Variants in KDM3A observed in about 807,000 individuals in gnomAD.
KDM3A encodes the protein lysine demethylase 3A.
KDM3A carries 60 observed loss-of-function variants against 158.0 expected under a neutral mutation model. That is an observed-to-expected ratio of 0.38 (90% CI 0.31 to 0.47). The LOEUF (loss-of-function observed/expected upper bound fraction) is 0.47. KDM3A is among the 20% of genes least tolerant of loss of function. KDM3A has a pLI of 0.99. For missense variants in KDM3A, 1,319 were observed against 1,574.3 expected (o/e 0.84, Z 2.74); for synonymous variants, 608 against 549.3 (o/e 1.11, Z -1.49).
In KDM3A at chr2:86,466,227, A is replaced by G. The variant is rs976708672; in HGVS notation, c.1008-145A>G. The stretch of plus-strand genomic sequence containing the variant: ...TGACTTTTAACTCTAGCTCACAGAA[A>G]TCTATCCTAAATTCTGTAACATATG... On this transcript the variant is annotated intron_variant, in intron 9 of 25. Transcript: ENST00000312912. The G allele has an allele frequency of 1.5e-5, 12 of 820,412 alleles. No individual in the cohort carries two copies. The Admixed American group carries it at 2.0e-4, about 13-fold the overall frequency. 50.8% of individuals were successfully genotyped at this position (820,412 alleles called of 1,614,324 possible).
At position 86,478,597 on chromosome 2, in the gene KDM3A, C is replaced by T. The variant is rs1372552923; in HGVS notation, c.2189-11C>T. ...TCCTTGTTCAGATGTTTGCCTCTGC[C>T]CTTTCTTTAGCACTCTATGATGTTG... On this transcript the variant is annotated splice_polypyrimidine_tract_variant and intron_variant, in intron 14 of 25. Transcript: ENST00000312912. 1 of 1,613,068 alleles carries T rather than the reference C, an allele frequency of 6.2e-7. No homozygotes were observed. Among genetic ancestry groups the T allele is most frequent in the South Asian group, 1.1e-5 (1 of 90,804 alleles).
At chr2:86,442,906 T>G (rs1010212152) in intron 2 of KDM3A, among the ~76,000 whole-genome samples, 4 of 152,030 alleles carry the variant, frequency 2.6e-5, no homozygotes, top group Non-Finnish European at 2.9e-5. Flanking sequence ...CTTGGACGCA[T>G]GAGGGGAGGG....
intron 12 of KDM3A, among the ~76,000 whole-genome samples, chr2:86,476,776 G>A (rs1020389595): frequency 3.3e-5 from 5 of 152,222 alleles, no homozygotes; most frequent in African/African-American, 9.6e-5. Flanking sequence ...TAATGTAATG[G>A]CAGAAGTTCA....
chr2:86,464,333 A>G, intron 9 of KDM3A, 117 bp downstream of exon 9: 2 of 663,068 alleles, frequency 3.0e-6, no homozygotes, highest in Non-Finnish European at 4.8e-6. Context: ...TTTCTGAGAA[A>G]AGATGGATAG....
At chr2:86,478,904 C>CGA (rs1462747313) in intron 15 of KDM3A, 169 bp downstream of exon 15, 4 of 606,354 alleles carry the variant, frequency 6.6e-6, no homozygotes, top group African/African-American at 1.9e-5. Flanking sequence ...TTCAGAGACC[C>CGA]GTTCTGACTT....
chr2:86,445,853 C>G (rs572859640), intron 2 of KDM3A, among the ~76,000 whole-genome samples: 1 of 152,334 alleles, frequency 6.6e-6, no homozygotes, highest in Non-Finnish European at 1.5e-5. Context: ...AGTGGAAGCA[C>G]AAGGAATTAA....
chr2:86,475,945 T>C (rs1673640374), intron 12 of KDM3A, among the ~76,000 whole-genome samples: 1 of 152,198 alleles, frequency 6.6e-6, no homozygotes, highest in Non-Finnish European at 1.5e-5. Context: ...GGAACAGGAC[T>C]AGGTCATTCC....
At chr2:86,446,104 CAG>C (rs1432788394) in intron 2 of KDM3A, among the ~76,000 whole-genome samples, 4 of 152,084 alleles carry the variant, frequency 2.6e-5, no homozygotes, top group South Asian at 2.1e-4. Flanking sequence ...ATTCATATAT[CAG>C]AAAGATTTTC....
intron 21 of KDM3A, chr2:86,487,388 G>A (rs753006995): frequency 3.9e-5 from 6 of 152,150 alleles, no homozygotes; most frequent in Non-Finnish European, 7.3e-5. Flanking sequence ...TTAAAGAGTG[G>A]TCTTTTCAAA....
In KDM3A at chr2:86,456,567, G is replaced by C; in HGVS notation, c.681+1G>C. ...AACTCTTCAAGTCAACTGTGAGGAG[G>C]TAAAGACAACAATAACTCTTTGTAA... On this transcript the variant is annotated splice_donor_variant, in intron 6 of 25. Coordinates refer to ENST00000312912, the MANE Select transcript of KDM3A (RefSeq NM_018433.6). LOFTEE classifies it high-confidence loss of function. 1 of 1,603,134 alleles carries C rather than the reference G, an allele frequency of 6.2e-7. No individual in the cohort carries two copies. Among genetic ancestry groups the C allele is most frequent in the Non-Finnish European group, 8.5e-7 (1 of 1,176,350 alleles).
At chr2:86,449,382 G>T (rs1406685422) in intron 2 of KDM3A, among the ~76,000 whole-genome samples, 1 of 152,146 alleles carries the variant, frequency 6.6e-6, no homozygotes, top group Admixed American at 6.5e-5. Context: ...GTGATGGGGG[G>T]TCATCTTAAG....
Position 86,456,438 on chromosome 2 carries a change from T to TA in KDM3A, c.557-2dup. 3 of 1,462,688 alleles carry TA rather than the reference T, an allele frequency of 2.1e-6. No individual in the cohort carries two copies. Among genetic ancestry groups the TA allele is most frequent in the Non-Finnish European group, 2.7e-6 (3 of 1,096,006 alleles). The allele number at this position is 1,462,688 out of a possible 1,614,324, so 90.6% of individuals were successfully genotyped here. ...AAGATTTTTTTTTTTTTTTTTTTTTTAAGGTGACAAAAACTTAGTTGGTTC... is the reference window on the plus strand; with the variant it reads ...AAGATTTTTTTTTTTTTTTTTTTTTTAAAGGTGACAAAAACTTAGTTGGTTC... On this transcript the variant is annotated splice_polypyrimidine_tract_variant and splice_region_variant and intron_variant, in intron 5 of 25. Coordinates refer to ENST00000312912, the MANE Select transcript of KDM3A (RefSeq NM_018433.6).
Position 86,492,115 on chromosome 2 carries a change from C to G in KDM3A, c.3962C>G (p.Pro1321Arg), listed in dbSNP as rs773955031. 3 of 1,608,644 alleles carry G rather than the reference C, an allele frequency of 1.9e-6. No homozygotes were observed. Among genetic ancestry groups the G allele is most frequent in the South Asian group, 1.1e-5 (1 of 90,900 alleles). ...GCCAGTGAATCCAGTTTTGGCAAACCTTAATCTCCCTGCACATTGGAAATG... is the reference window on the plus strand; with the variant it reads ...GCCAGTGAATCCAGTTTTGGCAAACGTTAATCTCCCTGCACATTGGAAATG... ...LKASESSFGK[P>R] The change falls in exon 26 of 26, where the codon CCT becomes CGT. Residue 1321 changes from proline (P) to arginine (R), a missense_variant. Coordinates refer to ENST00000312912, the MANE Select transcript of KDM3A (RefSeq NM_018433.6).
chr2:86,492,289 A>G lies in KDM3A; in HGVS notation c.*170A>G, dbSNP rs1674497084. The G allele has an allele frequency of 7.2e-6, 4 of 552,748 alleles. No individual in the cohort carries two copies. Among genetic ancestry groups the G allele is most frequent in the Admixed American group, 3.2e-5 (1 of 31,006 alleles). The allele number at this position is 552,748 out of a possible 1,614,324, so 34.2% of individuals were successfully genotyped here. On this transcript the variant is annotated 3_prime_UTR_variant, in exon 26 of 26. Transcript: ENST00000312912. ...TAGTGTTTACAGACAGTAAATGTGT[A>G]TATGTAGTAACTATTTACAGAACAT...
intron 12 of KDM3A, among the ~76,000 whole-genome samples, chr2:86,476,930 G>A (rs1189286076): frequency 6.6e-6 from 1 of 152,218 alleles, no homozygotes; most frequent in Non-Finnish European, 1.5e-5. Flanking sequence ...TTGATCCAGT[G>A]TTGTTCAGGA....
chr2:86,447,503 T>C (rs1683005969), intron 2 of KDM3A, among the ~76,000 whole-genome samples: 1 of 151,638 alleles, frequency 6.6e-6, no homozygotes, highest in Non-Finnish European at 1.5e-5. Flanking sequence ...GTGTTGAAGA[T>C]CCTCTTTCCC....
Position 86,442,110 on chromosome 2 carries a change from C to A in KDM3A, c.63C>A (p.Ser21=). The change falls in exon 2 of 26, where the codon TCC becomes TCA. Residue 21 remains serine, a synonymous_variant. Coordinates refer to ENST00000312912, the MANE Select transcript of KDM3A (RefSeq NM_018433.6). Reference sequence around the variant, plus strand: ...TGGGGAGGAGGTTTCTCAGTCTGTCCGCAGCCGACGGCAGCGATGGCAGCC... The same window carrying A: ...TGGGGAGGAGGTTTCTCAGTCTGTCAGCAGCCGACGGCAGCGATGGCAGCC... ...VLVGRRFLSL[S]AADGSDGSHD... is the part of the protein sequence containing the mutation. 6.2e-7 allele frequency: 1 copy of A among 1,614,110 alleles called. No homozygotes were observed. Among genetic ancestry groups the A allele is most frequent in the East Asian group, 2.2e-5 (1 of 44,868 alleles).
upstream of KDM3A, among the ~76,000 whole-genome samples, chr2:86,437,421 A>AT (rs1454926321): frequency 6.6e-6 from 1 of 152,178 alleles, no homozygotes; most frequent in Non-Finnish European, 1.5e-5. Flanking sequence ...GATTACAGGC[A>AT]TAAGTCACTG....
rs151022990 is a variant in KDM3A at position 86,476,758 on chromosome 2, A to G, written c.1940-1119A>G. ...AGCTATATGAATTGTGCCCTGTGCA[A>G]TACATTATAATGTAATGGCAGAAGT... On this transcript the variant is annotated intron_variant, in intron 12 of 25. Coordinates refer to ENST00000312912, the MANE Select transcript of KDM3A (RefSeq NM_018433.6). Among the ~76,000 whole-genome samples the G allele has an allele frequency of 1.6e-3, 248 of 152,352 alleles. 1 individual carries two copies. Among genetic ancestry groups the G allele is most frequent in the African/African-American group, 5.6e-3 (231 of 41,576 alleles).
Sources: allele counts gnomAD v4.1 joint callset (sites outside exome capture counted in the v4.1 genomes callset), GRCh38; gene constraint gnomAD v4.1.1; transcripts MANE v1.5; gene names NCBI Gene and HGNC (gene_info 2026-07-23, HGNC 2026-07-21).